The following ZC4H2 variants were observed in gnomAD, a reference collection of about 807,000 sequenced individuals.
ZC4H2 encodes the protein zinc finger C4H2 domain-containing protein.
For synonymous variants in ZC4H2, 84 were observed against 66.3 expected (o/e 1.27, Z -1.30); for missense variants, 137 against 173.9 (o/e 0.79, Z 1.19).
intron 1 of ZC4H2, among the ~76,000 whole-genome samples, chrX:65,006,753 C>T (rs73514218): frequency 0.023 from 2,541 of 111,639 alleles, 87 homozygotes; most frequent in African/African-American, 0.079. Context: ...TCTTATGGGG[C>T]GACCTTTGCA....
intron 1 of ZC4H2, among the ~76,000 whole-genome samples, chrX:65,023,645 T>A (rs953351999): frequency 8.9e-6 from 1 of 111,829 alleles, no homozygotes; most frequent in Non-Finnish European, 1.9e-5. Context: ...AGGAATGCTT[T>A]ACACTGTTGG....
At chrX:64,987,328 C>G (rs1179591675) in intron 1 of ZC4H2, among the ~76,000 whole-genome samples, 1 of 111,049 alleles carries the variant, frequency 9.0e-6, no homozygotes. Context: ...AATCATTCTA[C>G]CTGATGTCAA....
intron 1 of ZC4H2, among the ~76,000 whole-genome samples, chrX:64,933,496 C>A (rs1929848423): frequency 9.0e-6 from 1 of 111,118 alleles, no homozygotes; most frequent in Non-Finnish European, 1.9e-5. Context: ...TCAAATTGTT[C>A]TTGAATTTAT....
chrX:64,965,354 G>C (rs1051540418), intron 1 of ZC4H2: 2 of 242,311 alleles, frequency 8.3e-6, no homozygotes, highest in Non-Finnish European at 1.5e-5. Context: ...GAAGCAGATA[G>C]GTCAGAAATA....
chrX:64,989,823 G>A (rs956347240), intron 1 of ZC4H2, among the ~76,000 whole-genome samples: 6 of 111,891 alleles, frequency 5.4e-5, no homozygotes, highest in Non-Finnish European at 1.1e-4. Flanking sequence ...AGACCACAAT[G>A]CAATATCGCT....
intron 1 of ZC4H2, among the ~76,000 whole-genome samples, chrX:64,937,681 C>G (rs1021505253): frequency 9.0e-6 from 1 of 111,580 alleles, no homozygotes; most frequent in Admixed American, 9.6e-5. Flanking sequence ...TCCTGAATGA[C>G]AACTAGGTAA....
intron 1 of ZC4H2, among the ~76,000 whole-genome samples, chrX:65,012,224 C>CAAAAAAAAAAAAAA (rs10606871): frequency 1.2e-4 from 3 of 25,340 alleles, no homozygotes; most frequent in African/African-American, 2.8e-4. Context: ...GACCCCGTCT[C>CAAAAAAAAAAAAAA]AAAAAAAAAA....
At chrX:64,997,454 G>A (rs1456083757) in intron 1 of ZC4H2, among the ~76,000 whole-genome samples, 1 of 112,474 alleles carries the variant, frequency 8.9e-6, no homozygotes, top group Non-Finnish European at 1.9e-5. Flanking sequence ...CTAACAGCCA[G>A]TAATATCATA....
In ZC4H2 at chrX:64,971,122, C is replaced by T. The variant is rs1931768079; in HGVS notation, c.53+5203G>A. Among the ~76,000 whole-genome samples the T allele has an allele frequency of 2.7e-5, 3 of 112,489 alleles. No individual in the cohort carries two copies. The Admixed American group carries it at 2.8e-4, about 11-fold the overall frequency. On this transcript the variant is annotated intron_variant, in intron 1 of 4. Transcript: ENST00000374839. ...TAAAAAAGGTTTTTTAAAAATGCTA[C>T]TAGTGACCAACTAAATTCTTTTTAT... is the stretch of plus-strand genomic sequence containing the variant.
At chrX:64,921,667 C>T in intron 2 of ZC4H2, 150 bp downstream of exon 2, 1 of 604,746 alleles carries the variant, frequency 1.7e-6, no homozygotes, top group Non-Finnish European at 2.5e-6. Context: ...GGCTGGATCT[C>T]AGAACTCCTG....
In ZC4H2 at chrX:64,965,133, T is replaced by A. The variant is rs757443505; in HGVS notation, c.53+11192A>T. 5.4e-5 allele frequency among the ~76,000 whole-genome samples: 6 copies of A among 111,754 alleles called. No homozygotes were observed. In the East Asian group the frequency reaches 8.4e-4, roughly 16 times the overall value. On this transcript the variant is annotated intron_variant, in intron 1 of 4. Coordinates refer to ENST00000374839, the MANE Select transcript of ZC4H2 (RefSeq NM_018684.4). The stretch of plus-strand genomic sequence containing the variant: ...AAACTAATCTACAGATCCAACAAAA[T>A]CCTATTAAAATCCCAGTATGGTTTT...
intron 1 of ZC4H2, among the ~76,000 whole-genome samples, chrX:64,989,896 A>G (rs1399409916): frequency 8.9e-6 from 1 of 112,043 alleles, no homozygotes; most frequent in African/African-American, 3.2e-5. Flanking sequence ...GCAAAGATAC[A>G]GAGAAACGGA....
At chrX:64,987,554 T>A (rs757537544) in intron 1 of ZC4H2, among the ~76,000 whole-genome samples, 14 of 107,105 alleles carry the variant, frequency 1.3e-4, no homozygotes, top group East Asian at 2.9e-4. Flanking sequence ...GAAAAAAAAA[T>A]TTTACTCAAA....
At chrX:64,945,116 C>A (rs1298365202) in intron 1 of ZC4H2, among the ~76,000 whole-genome samples, 1 of 112,838 alleles carries the variant, frequency 8.9e-6, no homozygotes, top group Non-Finnish European at 1.9e-5. Context: ...AGTTTCGTGC[C>A]CTTGCTGGCG....
chrX:64,949,284 A>T (rs1183640974), intron 1 of ZC4H2, among the ~76,000 whole-genome samples: 1 of 112,277 alleles, frequency 8.9e-6, no homozygotes, highest in Non-Finnish European at 1.9e-5. Flanking sequence ...GAAGGGAAAG[A>T]CAAGAGACAG....
intron 1 of ZC4H2, among the ~76,000 whole-genome samples, chrX:64,934,975 A>T (rs774736052): frequency 9.1e-6 from 1 of 110,247 alleles, no homozygotes; most frequent in Non-Finnish European, 1.9e-5. Flanking sequence ...CCAGCGAGAA[A>T]AAAATGTTCA....
intron 1 of ZC4H2, among the ~76,000 whole-genome samples, chrX:64,962,608 T>C (rs918887082): frequency 9.0e-6 from 1 of 111,547 alleles, no homozygotes; most frequent in African/African-American, 3.2e-5. Context: ...GTAAGATTAT[T>C]GCTGTTTTCA....
intron 1 of ZC4H2, among the ~76,000 whole-genome samples, chrX:64,933,369 T>C: frequency 8.9e-6 from 1 of 111,874 alleles, no homozygotes; most frequent in Non-Finnish European, 1.9e-5. Flanking sequence ...AGAGATTTCT[T>C]CTTGGTTTGG....
chrX:64,921,079 C>T (rs1181731529), intron 2 of ZC4H2, among the ~76,000 whole-genome samples: 1 of 112,581 alleles, frequency 8.9e-6, no homozygotes, highest in Non-Finnish European at 1.9e-5. Flanking sequence ...TTCATATTTC[C>T]TTTATGATCC....
Sources: gnomAD v4.1 joint callset for allele counts (sites outside exome capture counted in the v4.1 genomes callset) on GRCh38, gnomAD v4.1.1 for gene constraint, MANE v1.5 for transcripts, NCBI Gene and HGNC (gene_info 2026-07-23, HGNC 2026-07-21) for gene names.